Variants in PDE8B observed in about 807,000 individuals in gnomAD.
The protein encoded by PDE8B is phosphodiesterase 8B.
In PDE8B, 26 loss-of-function variants were observed where a neutral mutation model predicts 101.3. The ratio of observed to expected loss-of-function variants is 0.26; its 90% confidence interval spans 0.19 to 0.36. The LOEUF (loss-of-function observed/expected upper bound fraction) is 0.36. PDE8B is among the 10% of genes least tolerant of loss of function. PDE8B has a pLI of 1.00. For missense variants in PDE8B, 810 were observed against 1,163.1 expected, an observed-to-expected ratio of 0.70 and a Z score of 4.42; for synonymous variants, 424 against 429.3, an observed-to-expected ratio of 0.99 and a Z score of 0.15.
the PDE8B span, among the ~76,000 whole-genome samples, chr5:77,102,141 C>G: frequency 6.6e-6 from 1 of 152,196 alleles, no homozygotes; most frequent in Non-Finnish European, 1.5e-5. Flanking sequence ...GAATCCATAT[C>G]GTGTGCGAGT....
chr5:77,312,355 C>T (rs1011781736), intron 2 of PDE8B, among the ~76,000 whole-genome samples: 25 of 152,168 alleles, frequency 1.6e-4, no homozygotes, highest in African/African-American at 5.5e-4. Flanking sequence ...CTGCCTGCCT[C>T]GGCCTCCCAG....
chr5:77,283,731 C>T (rs1765471360), intron 1 of PDE8B, among the ~76,000 whole-genome samples: 1 of 152,158 alleles, frequency 6.6e-6, no homozygotes, highest in Non-Finnish European at 1.5e-5. Flanking sequence ...ATTTATCCAG[C>T]CACCTACTGA....
chr5:77,157,965 A>G, the PDE8B span, among the ~76,000 whole-genome samples: 1 of 147,036 alleles, frequency 6.8e-6, no homozygotes, highest in East Asian at 1.9e-4. Flanking sequence ...CTTACATACT[A>G]ATAGCTGGCA....
rs1403875148 is a variant in PDE8B at position 77,349,576 on chromosome 5, A to G, written c.1017+17A>G. ...AAGGGAAAGGTGGGTTACACCAGCA[A>G]AACCAATCCACGAACCCTCTCCCCA... On this transcript the variant is annotated intron_variant, in intron 8 of 21. Transcript: ENST00000264917. The G allele has an allele frequency of 6.2e-7, 1 of 1,613,982 alleles. No individual in the cohort carries two copies. The highest frequency in any genetic ancestry group is 8.5e-7 in the Non-Finnish European group (1 of 1,179,948).
chr5:77,109,927 G>GTTTTTTTT, the PDE8B span, among the ~76,000 whole-genome samples: 24 of 67,264 alleles, frequency 3.6e-4, 4 homozygotes, highest in East Asian at 1.2e-3. Flanking sequence ...TTGTATTTCA[G>GTTTTTTTT]TTTTTTTTTT....
At chr5:77,091,211 T>TA in the PDE8B span, among the ~76,000 whole-genome samples, 2 of 152,234 alleles carry the variant, frequency 1.3e-5, no homozygotes, top group Non-Finnish European at 2.9e-5. Flanking sequence ...AAAGAAATGA[T>TA]AAATGTTCAA....
chr5:77,103,951 TA>T, the PDE8B span, among the ~76,000 whole-genome samples: 2 of 152,002 alleles, frequency 1.3e-5, no homozygotes, highest in African/African-American at 2.4e-5. Context: ...GAGTCATCAA[TA>T]AAAAAAATAA....
chr5:77,210,882 C>A lies in PDE8B; in HGVS notation c.-44C>A. Reference sequence around the variant, plus strand: ...TGGCAGCGGGTGCGCTGGGTCCCGGCGGCCGCGGGCGCGGGCGGGCGCGCG... The same window carrying A: ...TGGCAGCGGGTGCGCTGGGTCCCGGAGGCCGCGGGCGCGGGCGGGCGCGCG... On this transcript the variant is annotated 5_prime_UTR_variant, in exon 1 of 22. Coordinates refer to ENST00000264917, the MANE Select transcript of PDE8B (RefSeq NM_003719.5). This position sits in a 1 kb window ranked among gnomAD's most constrained non-coding sequence, Gnocchi z 4.9. 8.1e-7 allele frequency: 1 copy of A among 1,236,040 alleles called. No homozygotes were observed. The highest frequency in any genetic ancestry group is 3.0e-5 in the South Asian group (1 of 33,160). 76.6% of individuals were successfully genotyped at this position (1,236,040 alleles called of 1,614,324 possible).
intron 10 of PDE8B, among the ~76,000 whole-genome samples, chr5:77,364,380 G>C (rs1783725474): frequency 6.6e-6 from 1 of 152,160 alleles, no homozygotes; most frequent in Non-Finnish European, 1.5e-5. Context: ...TTAGACTCAA[G>C]CGTCTGGATC....
intron 1 of PDE8B, among the ~76,000 whole-genome samples, chr5:77,296,983 A>G (rs1452696536): frequency 6.6e-6 from 1 of 152,252 alleles, no homozygotes; most frequent in African/African-American, 2.4e-5. Context: ...CCTGAGCTTC[A>G]TACTTACATA....
chr5:77,260,614 G>A (rs1437045210), intron 1 of PDE8B, among the ~76,000 whole-genome samples: 5 of 124,486 alleles, frequency 4.0e-5, no homozygotes, highest in Non-Finnish European at 8.0e-5. Context: ...TGGAGACAGA[G>A]TCTCACTCTG....
At chr5:77,346,442 G>A (rs55671229) in intron 7 of PDE8B, among the ~76,000 whole-genome samples, 20,914 of 152,178 alleles carry the variant, frequency 0.14, 3,003 homozygotes, top group African/African-American at 0.36. Context: ...AGGAGAAGGG[G>A]CTCCCTGCCC....
At chr5:77,281,836 C>CGTG (rs1353632472) in intron 1 of PDE8B, among the ~76,000 whole-genome samples, 2 of 152,142 alleles carry the variant, frequency 1.3e-5, no homozygotes, top group Non-Finnish European at 2.9e-5. Context: ...TATCACTTCA[C>CGTG]CCCCTGTAAA....
In PDE8B at chr5:77,225,876, A is replaced by ACACC. The variant is rs1347482330; in HGVS notation, c.339+14615_339+14616insCCAC. Among the ~76,000 whole-genome samples, 19 of 138,056 alleles carry ACACC rather than the reference A, an allele frequency of 1.4e-4. 1 individual carries two copies. The East Asian group carries it at 4.2e-3, about 30-fold the overall frequency. The allele number at this position is 138,056 out of a possible 152,430, so 90.6% of individuals were successfully genotyped here. A position where few individuals can be genotyped will look rare whatever the true frequency, so the allele number is the denominator to read the frequency against. On this transcript the variant is annotated intron_variant, in intron 1 of 21. Coordinates refer to ENST00000264917, the MANE Select transcript of PDE8B (RefSeq NM_003719.5). The stretch of plus-strand genomic sequence containing the variant: ...CACACACACACACACACACACACAC[A>ACACC]CACACCCCACGCACACATCTCAGAA...
At chr5:77,374,947 A>G (rs1785780787) in intron 10 of PDE8B, among the ~76,000 whole-genome samples, 1 of 152,128 alleles carries the variant, frequency 6.6e-6, no homozygotes, top group Non-Finnish European at 1.5e-5. Context: ...CAGACTACAG[A>G]CAGAACCAGA....
intron 1 of PDE8B, chr5:77,291,411 G>T: frequency 6.2e-7 from 1 of 1,611,694 alleles, no homozygotes; most frequent in Non-Finnish European, 8.5e-7. Flanking sequence ...AAATTATGTA[G>T]AACCGACAAT....
At chr5:77,143,416 A>G in the PDE8B span, among the ~76,000 whole-genome samples, 2 of 152,228 alleles carry the variant, frequency 1.3e-5, no homozygotes, top group Non-Finnish European at 2.9e-5. Flanking sequence ...GGGATTTCTT[A>G]CATGTGTAGA....
rs564964586 is a variant in PDE8B at position 77,285,682 on chromosome 5, C to A, written c.340-26312C>A. On this transcript the variant is annotated intron_variant, in intron 1 of 21. Transcript: ENST00000264917. ...TTCCCATCTATTTTTTTCCCAAATG[C>A]TTTTATCTCCTCTCACTTTTCTCCA... is the stretch of plus-strand genomic sequence containing the variant. Among the ~76,000 whole-genome samples the A allele has an allele frequency of 3.3e-5, 5 of 152,130 alleles. No individual in the cohort carries two copies. In the South Asian group the frequency reaches 1.0e-3, roughly 32 times the overall value.
chr5:77,190,083 G>C, the PDE8B span, among the ~76,000 whole-genome samples: 1 of 152,090 alleles, frequency 6.6e-6, no homozygotes, highest in Non-Finnish European at 1.5e-5. Context: ...CCCATTGGTC[G>C]GGCTTGCCAC....
Sources: allele counts gnomAD v4.1 joint callset (sites outside exome capture counted in the v4.1 genomes callset), GRCh38; gene constraint gnomAD v4.1.1; non-coding constraint Gnocchi (gnomAD v3.1); transcripts MANE v1.5; gene names NCBI Gene and HGNC (gene_info 2026-07-23, HGNC 2026-07-21).